HERC4: variants seen among roughly 807,000 people sequenced by gnomAD.
The protein encoded by HERC4 is probable E3 ubiquitin-protein ligase HERC4.
Under a neutral mutation model 124.3 loss-of-function variants are expected in HERC4, and 28 were observed. That is an observed-to-expected ratio of 0.23 (90% CI 0.17 to 0.31). The LOEUF (loss-of-function observed/expected upper bound fraction) is 0.31, where lower values mean the gene tolerates loss of function less well. Among genes scored for constraint, HERC4 ranks in the 10% least tolerant of loss-of-function variants. The pLI is 1.00. For missense variants in HERC4, 713 were observed against 1,229.3 expected (o/e 0.58, Z 6.28); for synonymous variants, 407 against 421.5 (o/e 0.97, Z 0.42).
At chr10:68,021,556 C>G (rs1261943685) in intron 8 of HERC4, among the ~76,000 whole-genome samples, 1 of 152,188 alleles carries the variant, frequency 6.6e-6, no homozygotes, top group Non-Finnish European at 1.5e-5. Flanking sequence ...TGCCTGTAAT[C>G]CCAGCACTTT....
At chr10:67,973,229 T>C (rs898586003) in intron 15 of HERC4, among the ~76,000 whole-genome samples, 2 of 152,104 alleles carry the variant, frequency 1.3e-5, no homozygotes, top group African/African-American at 2.4e-5. Context: ...AAGGAGAACA[T>C]TCTAGGCAGA....
intron 3 of HERC4, chr10:68,069,605 GAAT>G: frequency 1.0e-6 from 1 of 985,290 alleles, no homozygotes; most frequent in South Asian, 4.7e-5. Context: ...TGAATCTCGA[GAAT>G]AATTTATCCT....
rs78270106 is a variant in HERC4 at position 67,996,031 on chromosome 10, C to A, written c.1070-3349G>T. Reference sequence around the variant, plus strand: ...GTCCTTAAAATTCCTCTCCGCTGGGCACAGTAGCTCATACCTGTAATCCCA... The same window carrying A: ...GTCCTTAAAATTCCTCTCCGCTGGGAACAGTAGCTCATACCTGTAATCCCA... On this transcript the variant is annotated intron_variant, in intron 9 of 24. Coordinates refer to ENST00000373700, the MANE Select transcript of HERC4 (RefSeq NM_015601.4). The A allele has an allele frequency of 9.3e-3, 3,263 of 351,956 alleles. 100 individuals are homozygous for A. Among genetic ancestry groups the A allele is most frequent in the African/African-American group, 0.066 (2,988 of 45,094 alleles). 21.8% of individuals were successfully genotyped at this position (351,956 alleles called of 1,614,324 possible).
At chr10:68,072,515 G>A (rs2041623464) in intron 3 of HERC4, among the ~76,000 whole-genome samples, 1 of 152,174 alleles carries the variant, frequency 6.6e-6, no homozygotes, top group South Asian at 2.1e-4. Flanking sequence ...CCCTCCCAAA[G>A]TAAGGTAAAC....
At position 67,923,118 on chromosome 10, in the gene HERC4, C is replaced by A; in HGVS notation, c.2963G>T (p.Arg988Leu). 6.2e-7 allele frequency: 1 copy of A among 1,612,980 alleles called. No homozygotes were observed. Among genetic ancestry groups the A allele is most frequent in the Non-Finnish European group, 8.5e-7 (1 of 1,179,548 alleles). ...ACTCTTCATACCAAGAATAGGAATG[C>A]GATCACTACCTGTCAAAAATACTGC... ...QFLLFLTGSD[R>L]IPILGMKSLK... Residue 988 changes from arginine to leucine, a missense_variant, in exon 25 of 25, where the codon CGC becomes CTC. Arg to Leu is a moderately radical substitution (Grantham distance 102). Transcript: ENST00000373700.
chr10:68,059,461 TA>T (rs1214346363), intron 3 of HERC4, among the ~76,000 whole-genome samples: 3 of 133,054 alleles, frequency 2.3e-5, no homozygotes, highest in African/African-American at 5.6e-5. Context: ...TATATTATAA[TA>T]ATATTATATA....
intron 9 of HERC4, among the ~76,000 whole-genome samples, chr10:68,011,374 T>C (rs2037945069): frequency 6.6e-6 from 1 of 152,226 alleles, no homozygotes; most frequent in Non-Finnish European, 1.5e-5. Flanking sequence ...CCCAGAACTA[T>C]CAGAGGAATC....
intron 3 of HERC4, among the ~76,000 whole-genome samples, chr10:68,065,260 G>A (rs2041243954): frequency 1.3e-5 from 2 of 151,716 alleles, no homozygotes. Context: ...TCTCTACCAA[G>A]AACATGTAAT....
intron 4 of HERC4, among the ~76,000 whole-genome samples, chr10:68,040,817 A>T (rs2039724199): frequency 6.6e-6 from 1 of 151,350 alleles, no homozygotes; most frequent in Non-Finnish European, 1.5e-5. Flanking sequence ...TGAACCCAGG[A>T]GGCGGAAGTT....
At chr10:67,998,097 C>T (rs1188334800) in intron 9 of HERC4, among the ~76,000 whole-genome samples, 3 of 151,840 alleles carry the variant, frequency 2.0e-5, no homozygotes, top group Non-Finnish European at 4.4e-5. Context: ...GGGGGTTCCA[C>T]CATGTTGGCC....
intron 3 of HERC4, chr10:68,070,238 T>C: frequency 1.0e-6 from 1 of 980,220 alleles, no homozygotes; most frequent in African/African-American, 1.7e-5. Context: ...ATGACACAAA[T>C]CATTAACGAA....
chr10:67,950,617 G>T (rs2033722220), intron 19 of HERC4, among the ~76,000 whole-genome samples: 1 of 152,184 alleles, frequency 6.6e-6, no homozygotes. Flanking sequence ...GATTATGGCA[G>T]TAAGGTTTCT....
chr10:68,047,982 C>T lies in HERC4; in HGVS notation c.227-3419G>A, dbSNP rs113172029. On this transcript the variant is annotated intron_variant, in intron 3 of 24. Coordinates refer to ENST00000373700, the MANE Select transcript of HERC4 (RefSeq NM_015601.4). ...CCCTGTTGCCCAGGCTGAAGTGCAG[C>T]GGCATAATCATGGCTCACTGCAGCC... 7.2e-5 allele frequency among the ~76,000 whole-genome samples: 11 copies of T among 151,848 alleles called. 1 individual carries two copies. Among genetic ancestry groups the T allele is most frequent in the East Asian group, 5.8e-4 (3 of 5,162 alleles).
At chr10:67,932,894 CTG>C in intron 22 of HERC4, 114 bp from the exon 23 acceptor site, 1 of 886,316 alleles carries the variant, frequency 1.1e-6, no homozygotes, top group Non-Finnish European at 1.7e-6. Context: ...ATCTACGAAA[CTG>C]AGAATGTATG....
Position 67,954,685 on chromosome 10 carries a change from A to C in HERC4, c.2247T>G (p.Phe749Leu). The change falls in exon 19 of 25, where the codon TTT becomes TTG. Residue 749 changes from phenylalanine to leucine, a missense_variant. Physicochemically the swap from Phe to Leu is conservative, Grantham distance 22. Coordinates refer to ENST00000373700, the MANE Select transcript of HERC4 (RefSeq NM_015601.4). ...AVDAGGVRKEFFLLIMRELLD... is the reference protein window; with the variant it reads ...AVDAGGVRKELFLLIMRELLD... ...ATAATTCCCTCATGATGAGCAAGAA[A>C]AATTCTTTGCGCACCCCTCCTGCAT... is the stretch of plus-strand genomic sequence containing the variant. The C allele has an allele frequency of 6.2e-7, 1 of 1,613,808 alleles. No individual in the cohort carries two copies.
At chr10:68,041,330 G>T (rs1407189013) in intron 4 of HERC4, among the ~76,000 whole-genome samples, 1 of 151,984 alleles carries the variant, frequency 6.6e-6, no homozygotes, top group African/African-American at 2.4e-5. Flanking sequence ...CAGAATAGGG[G>T]AGTAGATTTT....
chr10:67,952,743 A>T (rs986651614), intron 19 of HERC4, among the ~76,000 whole-genome samples: 2 of 151,428 alleles, frequency 1.3e-5, no homozygotes, highest in African/African-American at 4.8e-5. Context: ...CTAAAAATAT[A>T]AAAAAAATTA....
At chr10:68,012,240 C>G (rs1464900606) in intron 9 of HERC4, among the ~76,000 whole-genome samples, 2 of 152,194 alleles carry the variant, frequency 1.3e-5, no homozygotes, top group Non-Finnish European at 2.9e-5. Flanking sequence ...TCTTACCATT[C>G]ATGTATTCAC....
chr10:67,946,619 C>A (rs1009796249), intron 19 of HERC4, among the ~76,000 whole-genome samples: 1 of 151,942 alleles, frequency 6.6e-6, no homozygotes, highest in African/African-American at 2.4e-5. Flanking sequence ...ATAACAATTA[C>A]AAATATAGGC....
Sources: gnomAD v4.1 joint callset for allele counts (sites outside exome capture counted in the v4.1 genomes callset) on GRCh38, gnomAD v4.1.1 for gene constraint, MANE v1.5 for transcripts, NCBI Gene and HGNC (gene_info 2026-07-23, HGNC 2026-07-21) for gene names.